Variants in DPY19L1 observed in about 807,000 individuals in gnomAD.
The protein encoded by DPY19L1 is dpy-19 like C-mannosyltransferase 1.
Under a neutral mutation model 96.9 loss-of-function variants are expected in DPY19L1, and 35 were observed. The observed-to-expected ratio is 0.36, with a 90% CI of 0.28 to 0.48. The LOEUF is 0.48. Ranked by LOEUF, DPY19L1 falls within the 20% of genes least tolerant of loss-of-function variation. The probability of loss-of-function intolerance (pLI) is 0.99; values close to 1 mark genes in which losing one functional copy is unlikely to be tolerated. For synonymous variants in DPY19L1, 205 were observed against 252.6 expected (o/e 0.81, Z 1.79); for missense variants, 521 against 777.9 (o/e 0.67, Z 3.93).
At chr7:34,948,409 CCCT>C (rs1784197175) in intron 14 of DPY19L1, among the ~76,000 whole-genome samples, 2 of 151,930 alleles carry the variant, frequency 1.3e-5, no homozygotes, top group South Asian at 4.2e-4. Flanking sequence ...TTAAATTTTC[CCCT>C]CTTCTCCACT....
chr7:35,005,246 G>A (rs1320830596), intron 6 of DPY19L1, among the ~76,000 whole-genome samples: 1 of 151,922 alleles, frequency 6.6e-6, no homozygotes, highest in Non-Finnish European at 1.5e-5. Context: ...AAGAAATGAA[G>A]CTCAAAAAGA....
chr7:35,029,675 A>G (rs1265523003), intron 1 of DPY19L1, among the ~76,000 whole-genome samples: 1 of 152,202 alleles, frequency 6.6e-6, no homozygotes, highest in African/African-American at 2.4e-5. Context: ...ATAGTTTTCA[A>G]AAATAATCAT....
At chr7:35,014,293 G>A (rs1390666571) in intron 3 of DPY19L1, among the ~76,000 whole-genome samples, 3 of 152,068 alleles carry the variant, frequency 2.0e-5, no homozygotes, top group Non-Finnish European at 4.4e-5. Flanking sequence ...AACCCTGTGC[G>A]ACTGGGGATA....
chr7:35,027,080 C>T (rs186372590), intron 1 of DPY19L1, among the ~76,000 whole-genome samples: 4 of 152,156 alleles, frequency 2.6e-5, no homozygotes, highest in East Asian at 1.9e-4. Context: ...ACCTGTAATC[C>T]GAGCTGCTCA....
chr7:34,987,977 TA>T (rs1785085727), intron 7 of DPY19L1: 1 of 151,952 alleles, frequency 6.6e-6, no homozygotes. Flanking sequence ...TACCTTTTCC[TA>T]AAAAAGTGAT....
intron 8 of DPY19L1, among the ~76,000 whole-genome samples, chr7:34,970,582 T>C (rs4236340): frequency 6.6e-6 from 1 of 152,034 alleles, no homozygotes; most frequent in Non-Finnish European, 1.5e-5. Context: ...TTGTTTCTCA[T>C]AGATCATAGT....
chr7:35,003,274 G>A (rs983496226), intron 6 of DPY19L1, among the ~76,000 whole-genome samples: 1 of 152,212 alleles, frequency 6.6e-6, no homozygotes, highest in African/African-American at 2.4e-5. Context: ...TAAGGGCACA[G>A]GGGATCCAAC....
At chr7:34,939,232 T>C in intron 20 of DPY19L1, 44 bp downstream of exon 20, 1 of 1,554,294 alleles carries the variant, frequency 6.4e-7, no homozygotes, top group Non-Finnish European at 8.8e-7. Flanking sequence ...CACTGTCTGT[T>C]TGCATGGGAG....
intron 6 of DPY19L1, among the ~76,000 whole-genome samples, chr7:34,992,801 TAA>T: frequency 6.9e-6 from 1 of 145,152 alleles, no homozygotes; most frequent in African/African-American, 2.5e-5. Context: ...ATACTCTCTG[TAA>T]AAAAAAAAAA....
intron 6 of DPY19L1, among the ~76,000 whole-genome samples, chr7:34,991,421 G>A (rs965966076): frequency 6.6e-6 from 1 of 152,196 alleles, no homozygotes; most frequent in Admixed American, 6.5e-5. Flanking sequence ...ATGGATCACT[G>A]AAATGAGAGC....
intron 21 of DPY19L1, among the ~76,000 whole-genome samples, chr7:34,936,120 C>A (rs1050320795): frequency 6.8e-4 from 104 of 152,354 alleles, no homozygotes; most frequent in African/African-American, 2.4e-3. Context: ...CTCTTCTGCA[C>A]CCCAACTCTC....
intron 3 of DPY19L1, 97 bp from the exon 4 acceptor site, chr7:35,013,802 A>G (rs1475573455): frequency 1.1e-6 from 1 of 886,574 alleles, no homozygotes; most frequent in Non-Finnish European, 1.7e-6. Context: ...AAAGCAATTA[A>G]GTAATAGCTA....
At chr7:35,010,840 T>C (rs1469041070) in intron 5 of DPY19L1, among the ~76,000 whole-genome samples, 1 of 152,130 alleles carries the variant, frequency 6.6e-6, no homozygotes. Flanking sequence ...ATTGGGCTTG[T>C]GACTCTTTCA....
intron 10 of DPY19L1, among the ~76,000 whole-genome samples, chr7:34,960,983 T>G (rs1055853622): frequency 2.6e-5 from 4 of 152,188 alleles, no homozygotes; most frequent in African/African-American, 2.4e-5. Context: ...AAAACCTATC[T>G]GAGCAAAACT....
chr7:34,981,656 A>C (rs1351691396), intron 7 of DPY19L1, among the ~76,000 whole-genome samples: 1 of 152,238 alleles, frequency 6.6e-6, no homozygotes, highest in Admixed American at 6.5e-5. Flanking sequence ...TTCTTCATTA[A>C]AATGTCTAAT....
intron 2 of DPY19L1, 98 bp downstream of exon 2, chr7:35,018,474 T>G: frequency 5.4e-6 from 6 of 1,101,576 alleles, no homozygotes; most frequent in Non-Finnish European, 8.2e-6. Flanking sequence ...ATATTCATAC[T>G]GATCATGCTG....
intron 6 of DPY19L1, among the ~76,000 whole-genome samples, chr7:34,990,503 T>C (rs1785144014): frequency 6.6e-6 from 1 of 152,226 alleles, no homozygotes; most frequent in East Asian, 1.9e-4. Context: ...CAGAATACAC[T>C]TGAGGAATAC....
chr7:34,953,034 T>C (rs556392791), intron 13 of DPY19L1, among the ~76,000 whole-genome samples: 2 of 152,190 alleles, frequency 1.3e-5, no homozygotes, highest in Admixed American at 6.5e-5. Context: ...GGACCGAGTG[T>C]GGCTACTCAT....
At chr7:34,968,989 G>C (rs1784669554) in intron 9 of DPY19L1, among the ~76,000 whole-genome samples, 1 of 151,994 alleles carries the variant, frequency 6.6e-6, no homozygotes, top group African/African-American at 2.4e-5. Flanking sequence ...GAACTGGTTA[G>C]CTATTTATCC....
Sources: gnomAD v4.1 joint callset for allele counts (sites outside exome capture counted in the v4.1 genomes callset) on GRCh38, gnomAD v4.1.1 for gene constraint, MANE v1.5 for transcripts, NCBI Gene and HGNC (gene_info 2026-07-23, HGNC 2026-07-21) for gene names.